The following MTMR12 variants were observed in gnomAD, a reference collection of about 807,000 sequenced individuals.
MTMR12 encodes myotubularin-related protein 12.
In MTMR12, 33 loss-of-function variants were observed where a neutral mutation model predicts 96.7. The ratio of observed to expected loss-of-function variants is 0.34; its 90% CI spans 0.26 to 0.46. The LOEUF (loss-of-function observed/expected upper bound fraction) is 0.46, where lower values mean the gene tolerates loss of function less well. MTMR12 is among the 20% of genes least tolerant of loss of function. MTMR12 has a pLI of 1.00. For synonymous variants in MTMR12, 298 were observed against 327.2 expected, an observed-to-expected ratio of 0.91 and a Z score of 0.96; for missense variants, 721 against 896.1, an observed-to-expected ratio of 0.80 and a Z score of 2.49.
At chr5:32,264,291 C>G (rs1363979857) in intron 6 of MTMR12, among the ~76,000 whole-genome samples, 4 of 152,088 alleles carry the variant, frequency 2.6e-5, no homozygotes, top group African/African-American at 9.7e-5. Context: ...ACAAATAGTT[C>G]AAGTCTTTGC....
In MTMR12 at chr5:32,227,306, A is replaced by G. The variant is rs1581579306; in HGVS notation, c.*2472T>C. ...GGTCTCATTTCAGCTCTCACTGTTA[A>G]GCATAATCCACATCCCAATCTCAGA... On this transcript the variant is annotated 3_prime_UTR_variant, in exon 16 of 16. Transcript: ENST00000382142. 6.5e-6 allele frequency: 1 copy of G among 152,808 alleles called. No individual in the cohort carries two copies. Among genetic ancestry groups the G allele is most frequent in the African/African-American group, 2.4e-5 (1 of 41,598 alleles). The allele number at this position is 152,808 out of a possible 1,614,324, so 9.5% of individuals were successfully genotyped here.
intron 4 of MTMR12, among the ~76,000 whole-genome samples, chr5:32,271,578 C>T (rs188241789): frequency 1.3e-5 from 2 of 152,296 alleles, no homozygotes; most frequent in African/African-American, 4.8e-5. Flanking sequence ...AAAGTCTGAT[C>T]AACATCTAGC....
intron 2 of MTMR12, 104 bp from the exon 3 acceptor site, chr5:32,274,226 T>G (rs1749961521): frequency 7.5e-7 from 1 of 1,325,362 alleles, no homozygotes; most frequent in Non-Finnish European, 1.0e-6. Flanking sequence ...AAACATACAA[T>G]ACAACACAGG....
intron 7 of MTMR12, among the ~76,000 whole-genome samples, chr5:32,258,586 G>A (rs553086351): frequency 2.0e-5 from 3 of 152,248 alleles, no homozygotes; most frequent in African/African-American, 7.2e-5. Context: ...GACTGCAGAC[G>A]CTCTAGCCTC....
rs1750489337 is a variant in MTMR12 at position 32,285,309 on chromosome 5, G to A, written c.82-8567C>T. Among the ~76,000 whole-genome samples, 3 of 147,504 alleles carry A rather than the reference G, an allele frequency of 2.0e-5. No individual in the cohort carries two copies. The Admixed American group carries it at 2.1e-4, about 10-fold the overall frequency. Reference sequence around the variant, plus strand: ...GGAGACGGAGGTTGCAGTGAGCCAAGAATGTGCCACTGCACTTCAGCCTGG... The same window carrying A: ...GGAGACGGAGGTTGCAGTGAGCCAAAAATGTGCCACTGCACTTCAGCCTGG... On this transcript the variant is annotated intron_variant, in intron 1 of 15. Coordinates refer to ENST00000382142, the MANE Select transcript of MTMR12 (RefSeq NM_001040446.3).
rs755777311 is a variant in MTMR12, at chr5:32,281,526, C to G, written c.82-4784G>C. Among the ~76,000 whole-genome samples, 8 of 152,290 alleles carry G rather than the reference C, an allele frequency of 5.3e-5. No homozygotes were observed. In the East Asian group the frequency reaches 1.5e-3, roughly 29 times the overall value. ...CAGCACACCATGATTTATGTCTGGTCATTATGCATCTTATCTTTTGCAATA... is the reference window on the plus strand; with the variant it reads ...CAGCACACCATGATTTATGTCTGGTGATTATGCATCTTATCTTTTGCAATA... On this transcript the variant is annotated intron_variant, in intron 1 of 15. Transcript: ENST00000382142.
chr5:32,233,075 T>C lies in MTMR12; in HGVS notation c.1674+698A>G. On this transcript the variant is annotated intron_variant, in intron 15 of 15. Transcript: ENST00000382142. This position sits in a 1 kb window ranked among gnomAD's most constrained non-coding sequence, Gnocchi z 5.0. ...GTTAGGGAACTTTGGGATTATCAAC[T>C]AAAATGACTTTCTGACATTTGTGGC... The C allele has an allele frequency of 1.1e-6, 1 of 930,604 alleles. No individual in the cohort carries two copies. The highest frequency in any genetic ancestry group is 1.3e-6 in the Non-Finnish European group (1 of 780,110). The allele number at this position is 930,604 out of a possible 1,614,324, so 57.6% of individuals were successfully genotyped here.
intron 4 of MTMR12, among the ~76,000 whole-genome samples, chr5:32,271,430 A>G (rs762020100): frequency 1.8e-4 from 28 of 152,226 alleles, no homozygotes; most frequent in Non-Finnish European, 3.7e-4. Flanking sequence ...ATACAAAAAC[A>G]TTCGGAAGTG....
In MTMR12 at chr5:32,312,845, GC is replaced by G; in HGVS notation, c.-8del. ...CTACTCCTTTCCCCAGCATACCGCC[GC>G]CCTGGGAAGCAGCGACGCGCGGACG... On this transcript the variant is annotated 5_prime_UTR_variant, in exon 1 of 16. Transcript: ENST00000382142. This position sits in a 1 kb window ranked among gnomAD's most constrained non-coding sequence, Gnocchi z 5.0. 6.6e-7 allele frequency: 1 copy of G among 1,521,668 alleles called. No individual in the cohort carries two copies. Among genetic ancestry groups the G allele is most frequent in the African/African-American group, 1.4e-5 (1 of 69,594 alleles). 94.3% of individuals were successfully genotyped at this position (1,521,668 alleles called of 1,614,324 possible). A position where few individuals can be genotyped will look rare whatever the true frequency, so the allele number is the denominator to read the frequency against.
At chr5:32,270,301 T>G (rs1438161248) in intron 5 of MTMR12, among the ~76,000 whole-genome samples, 3 of 152,242 alleles carry the variant, frequency 2.0e-5, no homozygotes, top group Non-Finnish European at 4.4e-5. Context: ...CAACTTGCTG[T>G]GGCGACCAGG....
intron 15 of MTMR12, chr5:32,232,823 G>T: frequency 2.5e-6 from 1 of 394,500 alleles, no homozygotes; most frequent in Non-Finnish European, 3.4e-6. Flanking sequence ...GCTGGCCGTG[G>T]CTCACCCAGG....
At chr5:32,273,868 T>C in intron 3 of MTMR12, 112 bp downstream of exon 3, 2 of 1,444,720 alleles carry the variant, frequency 1.4e-6, no homozygotes, top group African/African-American at 1.4e-5. Context: ...TTTCTGTCCT[T>C]TGTGTTTATG....
At chr5:32,276,967 C>T (rs1000094659) in intron 1 of MTMR12, among the ~76,000 whole-genome samples, 2 of 137,130 alleles carry the variant, frequency 1.5e-5, no homozygotes, top group Non-Finnish European at 3.0e-5. Context: ...CTCACTGCAA[C>T]CTCTGCCTCC....
chr5:32,294,617 A>T (rs1374491069), intron 1 of MTMR12, among the ~76,000 whole-genome samples: 1 of 152,118 alleles, frequency 6.6e-6, no homozygotes, highest in African/African-American at 2.4e-5. Context: ...AGCACTTTTC[A>T]CGCTGAACTG....
intron 1 of MTMR12, among the ~76,000 whole-genome samples, chr5:32,283,955 A>C (rs920825858): frequency 1.4e-4 from 21 of 152,158 alleles, no homozygotes; most frequent in Admixed American, 1.2e-3. Flanking sequence ...AAAGGCTCTA[A>C]CCATGAATAA....
chr5:32,229,705 A>G lies in MTMR12; in HGVS notation c.*73T>C. On this transcript the variant is annotated 3_prime_UTR_variant, in exon 16 of 16. Transcript: ENST00000382142. ...TAAGGACCCAGCCAGCATGAGCTGT[A>G]GCGTGACACAAATCCAGGGATCAGC... 1 of 1,423,360 alleles carries G rather than the reference A, an allele frequency of 7.0e-7. No homozygotes were observed. Among genetic ancestry groups the G allele is most frequent in the Non-Finnish European group, 9.3e-7 (1 of 1,070,044 alleles). The allele number at this position is 1,423,360 out of a possible 1,614,324, so 88.2% of individuals were successfully genotyped here.
intron 1 of MTMR12, among the ~76,000 whole-genome samples, chr5:32,295,448 T>G (rs1024723746): frequency 3.3e-5 from 5 of 152,244 alleles, no homozygotes; most frequent in African/African-American, 1.2e-4. Flanking sequence ...AAATCAGTTC[T>G]CAGCCCTAAA....
At chr5:32,292,609 T>C (rs528328500) in intron 1 of MTMR12, among the ~76,000 whole-genome samples, 1 of 152,284 alleles carries the variant, frequency 6.6e-6, no homozygotes, top group African/African-American at 2.4e-5. Context: ...AGGAAGAGTA[T>C]GCATGGAATA....
In MTMR12 at chr5:32,267,533, C is replaced by A. The variant is rs560826778; in HGVS notation, c.583+1168G>T. Among the ~76,000 whole-genome samples the A allele has an allele frequency of 2.6e-4, 39 of 152,292 alleles. No homozygotes were observed. The South Asian group carries it at 7.7e-3, about 30-fold the overall frequency. On this transcript the variant is annotated intron_variant, in intron 6 of 15. Transcript: ENST00000382142. Reference sequence around the variant, plus strand: ...GACCAGTTTTGTTCTTAAAAGATTGCTCTCTTTTTCACCAAACTGAATGAA... The same window carrying A: ...GACCAGTTTTGTTCTTAAAAGATTGATCTCTTTTTCACCAAACTGAATGAA...
Sources: gnomAD v4.1 joint callset for allele counts (sites outside exome capture counted in the v4.1 genomes callset) on GRCh38, gnomAD v4.1.1 for gene constraint, Gnocchi (gnomAD v3.1) non-coding constraint, MANE v1.5 for transcripts, NCBI Gene and HGNC (gene_info 2026-07-23, HGNC 2026-07-21) for gene names.